The following EML6 variants were observed in gnomAD, a reference collection of about 807,000 sequenced individuals.
EML6 encodes the protein echinoderm microtubule-associated protein-like 6.
EML6 carries 154 observed loss-of-function variants against 240.1 expected under a neutral mutation model. The observed-to-expected ratio is 0.64, with a 90% CI of 0.56 to 0.73. The LOEUF (loss-of-function observed/expected upper bound fraction) is 0.73. EML6 is among the 30% of genes least tolerant of loss of function. The pLI is 0.00. For synonymous variants in EML6, 1,148 were observed against 899.0 expected (o/e 1.28, Z -4.95); for missense variants, 2,964 against 2,474.6 (o/e 1.20, Z -4.20).
chr2:54,964,642 A>T lies in EML6; in HGVS notation c.5402A>T (p.Gln1801Leu). The change falls in exon 38 of 42, where the codon CAG becomes CTG. Residue 1801 changes from glutamine (Q) to leucine (L), a missense_variant. Gln to Leu is a moderately radical substitution (Grantham distance 113). Transcript: ENST00000356458. ...EHTVDFYDLT[Q>L]GTNLNRIGYC... ...ACAGTTGACTTCTATGACCTCACTC[A>T]GGGCACAAATCTGAACCGCATTGGC... 6.4e-7 allele frequency: 1 copy of T among 1,552,392 alleles called. No homozygotes were observed. The highest frequency in any genetic ancestry group is 8.7e-7 in the Non-Finnish European group (1 of 1,147,124).
At chr2:54,727,617 A>G (rs1013366859) in intron 2 of EML6, among the ~76,000 whole-genome samples, 5 of 152,198 alleles carry the variant, frequency 3.3e-5, no homozygotes, top group African/African-American at 9.7e-5. Flanking sequence ...AATGGAGAGG[A>G]CTATAGCTAA....
At chr2:54,858,580 A>T (rs1670511356) in intron 11 of EML6, among the ~76,000 whole-genome samples, 1 of 152,162 alleles carries the variant, frequency 6.6e-6, no homozygotes, top group Non-Finnish European at 1.5e-5. Flanking sequence ...GAAGTAGGCA[A>T]GTTTGCTTTT....
intron 19 of EML6, among the ~76,000 whole-genome samples, chr2:54,893,145 A>C (rs778999376): frequency 6.6e-6 from 1 of 152,216 alleles, no homozygotes; most frequent in Admixed American, 6.5e-5. Flanking sequence ...AAGGCTGTTC[A>C]TTGGCCATAT....
chr2:54,912,444 A>G (rs192439086), intron 25 of EML6, among the ~76,000 whole-genome samples: 1 of 152,248 alleles, frequency 6.6e-6, no homozygotes, highest in East Asian at 1.9e-4. Context: ...TCGGGGATAC[A>G]TGCATAGGTT....
intron 7 of EML6, among the ~76,000 whole-genome samples, chr2:54,834,632 G>T (rs769544382): frequency 4.6e-5 from 7 of 152,082 alleles, no homozygotes; most frequent in Non-Finnish European, 1.0e-4. Context: ...GAGTTCTGTG[G>T]GTTTTAACTA....
intron 7 of EML6, among the ~76,000 whole-genome samples, chr2:54,838,028 G>C (rs1016550683): frequency 6.6e-6 from 1 of 152,188 alleles, no homozygotes; most frequent in African/African-American, 2.4e-5. Flanking sequence ...CAAATGGTTT[G>C]TTCTCTTTGT....
Position 54,962,661 on chromosome 2 carries a change from A to G in EML6, c.5107A>G (p.Ile1703Val). The change falls in exon 36 of 42, where the codon ATC becomes GTC. Residue 1703 changes from isoleucine to valine, a missense_variant. Physicochemically the swap from Ile to Val is conservative, Grantham distance 29. Transcript: ENST00000356458. ...LATHPSKDLF[I>V]SASNDGTARI... is the part of the protein sequence containing the mutation. ...CACTCACCCTTCCAAGGACCTCTTC[A>G]TCTCTGCCAGCAACGATGGCACAGC... is the stretch of plus-strand genomic sequence containing the variant. 1.3e-6 allele frequency: 2 copies of G among 1,532,682 alleles called. No homozygotes were observed. The highest frequency in any genetic ancestry group is 1.2e-5 in the South Asian group (1 of 80,358). 94.9% of individuals were successfully genotyped at this position (1,532,682 alleles called of 1,614,324 possible).
At chr2:54,841,718 G>T (rs1055405917) in intron 7 of EML6, among the ~76,000 whole-genome samples, 21 of 149,954 alleles carry the variant, frequency 1.4e-4, no homozygotes, top group African/African-American at 5.2e-4. Flanking sequence ...TCAGCCACCC[G>T]GGTAGCTGGG....
At chr2:54,796,624 G>A (rs896038564) in intron 2 of EML6, among the ~76,000 whole-genome samples, 50 of 151,828 alleles carry the variant, frequency 3.3e-4, no homozygotes, top group Admixed American at 2.4e-3. Context: ...ATACACGAGC[G>A]CACACACACA....
chr2:54,878,822 A>G (rs1218055386), intron 16 of EML6, among the ~76,000 whole-genome samples: 1 of 152,200 alleles, frequency 6.6e-6, no homozygotes, highest in East Asian at 1.9e-4. Context: ...GAAAGATAAG[A>G]TAACCTGTTC....
At chr2:54,886,436 T>C (rs560117141) in intron 17 of EML6, among the ~76,000 whole-genome samples, 16 of 152,112 alleles carry the variant, frequency 1.1e-4, no homozygotes, top group Admixed American at 4.6e-4. Flanking sequence ...CCCCAGAGTG[T>C]TGGGATTACA....
intron 19 of EML6, 117 bp from the exon 20 acceptor site, chr2:54,894,798 A>T (rs373841665): frequency 1.6e-6 from 1 of 628,158 alleles, no homozygotes; most frequent in Middle Eastern, 2.5e-4. Context: ...TCCATCTCAT[A>T]TATTTAGGAA....
chr2:54,840,740 T>C (rs1190384894), intron 7 of EML6, among the ~76,000 whole-genome samples: 1 of 152,266 alleles, frequency 6.6e-6, no homozygotes, highest in Non-Finnish European at 1.5e-5. Flanking sequence ...TGACAGTCAC[T>C]GTGCCAGGTA....
intron 7 of EML6, among the ~76,000 whole-genome samples, chr2:54,830,543 G>A (rs112245227): frequency 3.7e-4 from 56 of 152,284 alleles, no homozygotes; most frequent in Non-Finnish European, 6.2e-4. Context: ...TCCTCATGAA[G>A]CCCCCGCTGT....
At chr2:54,848,249 G>C (rs1322372016) in intron 9 of EML6, among the ~76,000 whole-genome samples, 1 of 152,108 alleles carries the variant, frequency 6.6e-6, no homozygotes, top group Admixed American at 6.5e-5. Flanking sequence ...TAATTCCTCT[G>C]AATGCATTTG....
At chr2:54,873,010 C>T (rs900892518) in intron 16 of EML6, among the ~76,000 whole-genome samples, 1 of 152,104 alleles carries the variant, frequency 6.6e-6, no homozygotes, top group African/African-American at 2.4e-5. Context: ...TGTCTGGTCC[C>T]CACTGCACAT....
At chr2:54,927,118 A>G (rs1487588439) in intron 26 of EML6, among the ~76,000 whole-genome samples, 5 of 152,082 alleles carry the variant, frequency 3.3e-5, no homozygotes, top group Non-Finnish European at 7.4e-5. Context: ...TGTTCTGCCT[A>G]TTTGCTAGCA....
intron 8 of EML6, among the ~76,000 whole-genome samples, chr2:54,846,327 G>A (rs4613325): frequency 0.64 from 97,258 of 151,750 alleles, 31,634 homozygotes; most frequent in East Asian, 0.91. Context: ...ACTATTACTG[G>A]AAGCACTTTT....
rs1668288100 is a variant in EML6 at position 54,820,607 on chromosome 2, A to AATTC, written c.525+146_525+147insTTCA. On this transcript the variant is annotated intron_variant, in intron 5 of 41. Coordinates refer to ENST00000356458, the MANE Select transcript of EML6 (RefSeq NM_001039753.4). ...CCTCTTACCTGTTTCTCTGCTCCTG[A>AATTC]AGCAAACTAACATCAGCTGATGGGG... 5 of 548,570 alleles carry AATTC rather than the reference A, an allele frequency of 9.1e-6. No homozygotes were observed. In the East Asian group the frequency reaches 1.5e-4, roughly 16 times the overall value. The allele number at this position is 548,570 out of a possible 1,614,324, so 34.0% of individuals were successfully genotyped here.
Sources: allele counts gnomAD v4.1 joint callset (sites outside exome capture counted in the v4.1 genomes callset), GRCh38; gene constraint gnomAD v4.1.1; transcripts MANE v1.5; gene names NCBI Gene and HGNC (gene_info 2026-07-23, HGNC 2026-07-21).